PIP5K1B: variants seen among roughly 807,000 people sequenced by gnomAD.
The protein encoded by PIP5K1B is phosphatidylinositol-4-phosphate 5-kinase type 1 beta.
Under a neutral mutation model 67.0 loss-of-function variants are expected in PIP5K1B, and 42 were observed. The ratio of observed to expected loss-of-function variants is 0.63; its 90% confidence interval spans 0.49 to 0.81. PIP5K1B has a LOEUF of 0.81. Ranked by LOEUF, PIP5K1B falls within the 30% of genes least tolerant of loss-of-function variation. The pLI is 0.00. For synonymous variants in PIP5K1B, 214 were observed against 231.4 expected (o/e 0.92, Z 0.68); for missense variants, 459 against 646.3 (o/e 0.71, Z 3.14).
chr9:68,929,163 TAAAAAAA>T (rs60505568), intron 12 of PIP5K1B, among the ~76,000 whole-genome samples: 1 of 101,506 alleles, frequency 9.9e-6, no homozygotes, highest in Non-Finnish European at 2.0e-5. Flanking sequence ...AGACTCTATC[TAAAAAAA>T]AAAAAAAAAA....
chr9:68,798,677 T>C (rs1229559622), intron 2 of PIP5K1B, among the ~76,000 whole-genome samples: 1 of 152,162 alleles, frequency 6.6e-6, no homozygotes, highest in East Asian at 1.9e-4. Context: ...CGGGGTCTTA[T>C]AGGGCAAGAT....
At chr9:68,916,840 C>G (rs1018328970) in intron 8 of PIP5K1B, among the ~76,000 whole-genome samples, 7 of 151,528 alleles carry the variant, frequency 4.6e-5, no homozygotes, top group Non-Finnish European at 8.8e-5. Flanking sequence ...CTAGTGCACT[C>G]CAGCCTGGGC....
chr9:68,880,231 C>T (rs538314764), intron 6 of PIP5K1B, among the ~76,000 whole-genome samples: 1 of 152,240 alleles, frequency 6.6e-6, no homozygotes, highest in Admixed American at 6.5e-5. Context: ...CAATTCTTTT[C>T]GCTTTTATGT....
At chr9:68,929,706 G>A (rs960132796) in intron 12 of PIP5K1B, among the ~76,000 whole-genome samples, 26 of 152,094 alleles carry the variant, frequency 1.7e-4, no homozygotes, top group African/African-American at 6.3e-4. Context: ...GTCTCACTCT[G>A]TTGCCCAGGC....
At chr9:68,883,207 C>T (rs915021809) in intron 6 of PIP5K1B, among the ~76,000 whole-genome samples, 1 of 152,210 alleles carries the variant, frequency 6.6e-6, no homozygotes, top group Non-Finnish European at 1.5e-5. Context: ...TGATACAAAT[C>T]TCACGCCCTT....
intron 2 of PIP5K1B, among the ~76,000 whole-genome samples, chr9:68,772,316 G>C (rs1244446252): frequency 6.6e-6 from 1 of 152,168 alleles, no homozygotes; most frequent in Non-Finnish European, 1.5e-5. Context: ...TTTTGTCTGA[G>C]AGAGGCTGGG....
At chr9:68,829,699 C>A (rs1000664623) in intron 4 of PIP5K1B, among the ~76,000 whole-genome samples, 4 of 152,174 alleles carry the variant, frequency 2.6e-5, no homozygotes, top group Admixed American at 6.5e-5. Context: ...TAACTGTAGG[C>A]ATTTTTCCTA....
chr9:68,998,282 C>T (rs1226467579), intron 15 of PIP5K1B, among the ~76,000 whole-genome samples: 1 of 152,068 alleles, frequency 6.6e-6, no homozygotes, highest in African/African-American at 2.4e-5. Context: ...GCCTCGAATT[C>T]GACCTCAAGC....
intron 15 of PIP5K1B, among the ~76,000 whole-genome samples, chr9:68,997,026 T>G (rs1289528752): frequency 6.6e-6 from 1 of 152,060 alleles, no homozygotes; most frequent in African/African-American, 2.4e-5. Context: ...AGTTAAGCTG[T>G]TTTTTAGCCA....
rs147903654 is a variant in PIP5K1B, at chr9:68,789,519, G to A, written c.-85-28942G>A. The stretch of plus-strand genomic sequence containing the variant: ...AACACTTAAGAGACAGTGGTGAGGG[G>A]TAGGGATAACTGGAGGCACACTTTC... On this transcript the variant is annotated intron_variant, in intron 2 of 15. Coordinates refer to ENST00000265382, the MANE Select transcript of PIP5K1B (RefSeq NM_003558.4). 55 of 519,484 alleles carry A rather than the reference G, an allele frequency of 1.1e-4. No individual in the cohort carries two copies. In the East Asian group the frequency reaches 2.9e-3, roughly 27 times the overall value. The allele number at this position is 519,484 out of a possible 1,614,324, so 32.2% of individuals were successfully genotyped here.
intron 2 of PIP5K1B, among the ~76,000 whole-genome samples, chr9:68,811,595 AC>A (rs1833170780): frequency 6.6e-6 from 1 of 151,610 alleles, no homozygotes; most frequent in South Asian, 2.1e-4. Context: ...TGATGTTCTG[AC>A]CCCAGCTGAC....
chr9:68,757,012 C>T (rs1054652604), intron 2 of PIP5K1B, among the ~76,000 whole-genome samples: 4 of 152,206 alleles, frequency 2.6e-5, no homozygotes, highest in East Asian at 3.9e-4. Flanking sequence ...AGTTTAGACA[C>T]GCAGGTTTCA....
At chr9:69,004,153 CAT>C (rs1009386406) in intron 15 of PIP5K1B, among the ~76,000 whole-genome samples, 24 of 152,286 alleles carry the variant, frequency 1.6e-4, no homozygotes, top group African/African-American at 5.8e-4. Flanking sequence ...TATACCCCAA[CAT>C]ATGTGTGGGA....
At chr9:68,724,110 C>G (rs983433527) in intron 1 of PIP5K1B, among the ~76,000 whole-genome samples, 2 of 151,978 alleles carry the variant, frequency 1.3e-5, no homozygotes, top group African/African-American at 4.8e-5. Context: ...TTTCCCAGCA[C>G]TATTTATTAA....
intron 2 of PIP5K1B, among the ~76,000 whole-genome samples, chr9:68,775,585 G>T (rs1262208721): frequency 6.6e-6 from 1 of 152,164 alleles, no homozygotes; most frequent in Non-Finnish European, 1.5e-5. Flanking sequence ...GATGGAGTGC[G>T]ACGGCACCAG....
At chr9:68,798,546 A>T (rs1832416958) in intron 2 of PIP5K1B, among the ~76,000 whole-genome samples, 1 of 152,078 alleles carries the variant, frequency 6.6e-6, no homozygotes, top group Non-Finnish European at 1.5e-5. Context: ...GTGGCCAGGG[A>T]GAATCATCAT....
intron 14 of PIP5K1B, among the ~76,000 whole-genome samples, chr9:68,972,530 A>G (rs771149806): frequency 1.1e-4 from 17 of 152,176 alleles, no homozygotes; most frequent in Admixed American, 5.9e-4. Context: ...AGTCCCAGTT[A>G]CTTGGGAGCG....
chr9:68,783,165 T>G (rs1831397081), intron 2 of PIP5K1B: 1 of 167,104 alleles, frequency 6.0e-6, no homozygotes, highest in Admixed American at 6.5e-5. Context: ...GCTTCCCCAT[T>G]TCCTACTCTT....
intron 2 of PIP5K1B, chr9:68,783,765 A>C (rs1328037837): frequency 6.0e-6 from 1 of 166,968 alleles, no homozygotes; most frequent in Non-Finnish European, 1.5e-5. Context: ...GCAACTTCCT[A>C]ACTCCCACTT....
Sources: gnomAD v4.1 joint callset for allele counts (sites outside exome capture counted in the v4.1 genomes callset) on GRCh38, gnomAD v4.1.1 for gene constraint, MANE v1.5 for transcripts, NCBI Gene and HGNC (gene_info 2026-07-23, HGNC 2026-07-21) for gene names.